SLIT3: variants seen among roughly 807,000 people sequenced by gnomAD.
SLIT3 encodes slit homolog 3 protein.
SLIT3 carries 68 observed loss-of-function variants against 184.0 expected under a neutral mutation model. The observed-to-expected ratio is 0.37, with a 90% CI of 0.30 to 0.45. The LOEUF (loss-of-function observed/expected upper bound fraction) is 0.45, where lower values mean the gene tolerates loss of function less well. Among genes scored for constraint, SLIT3 ranks in the 20% least tolerant of loss-of-function variants. SLIT3 has a pLI of 1.00. For synonymous variants in SLIT3, 831 were observed against 828.6 expected, an observed-to-expected ratio of 1.00 and a Z score of -0.05; for missense variants, 1,707 against 2,026.0, an observed-to-expected ratio of 0.84 and a Z score of 3.02.
At chr5:169,066,238 C>T (rs72826587) in intron 4 of SLIT3, among the ~76,000 whole-genome samples, 3,346 of 152,270 alleles carry the variant, frequency 0.022, 51 homozygotes, top group Middle Eastern at 0.058. Context: ...AGTCCCAAGC[C>T]CAGGGTCAAT....
At chr5:169,273,174 C>A (rs906496962) in intron 1 of SLIT3, among the ~76,000 whole-genome samples, 9 of 152,164 alleles carry the variant, frequency 5.9e-5, no homozygotes, top group Middle Eastern at 3.2e-3. Context: ...CTGCCTCTGG[C>A]CTTGAAACAG....
At chr5:169,023,040 T>C (rs1478638179) in intron 4 of SLIT3, among the ~76,000 whole-genome samples, 2 of 152,244 alleles carry the variant, frequency 1.3e-5, no homozygotes, top group African/African-American at 2.4e-5. Flanking sequence ...TCTGTGTATA[T>C]GATGTTGCCT....
chr5:169,163,335 T>C (rs1014082625), intron 4 of SLIT3, among the ~76,000 whole-genome samples: 13 of 152,234 alleles, frequency 8.5e-5, no homozygotes, highest in African/African-American at 2.4e-4. Flanking sequence ...TGAAAAGGTG[T>C]GCCAGGCTGA....
chr5:169,117,743 G>T (rs1344110875), intron 4 of SLIT3, among the ~76,000 whole-genome samples: 1 of 152,106 alleles, frequency 6.6e-6, no homozygotes, highest in Non-Finnish European at 1.5e-5. Context: ...GACCCAAAGG[G>T]GTCTCTATTC....
At chr5:168,835,691 A>G (rs1396023969) in intron 6 of SLIT3, among the ~76,000 whole-genome samples, 1 of 151,778 alleles carries the variant, frequency 6.6e-6, no homozygotes, top group Non-Finnish European at 1.5e-5. Flanking sequence ...GGCACCTGTA[A>G]TCCCAGCTAC....
chr5:169,178,401 C>G (rs1199036199), intron 4 of SLIT3, among the ~76,000 whole-genome samples: 2 of 152,164 alleles, frequency 1.3e-5, no homozygotes, highest in Non-Finnish European at 2.9e-5. Flanking sequence ...CCAGAAGGTG[C>G]CATTCAGCTC....
chr5:168,826,531 C>T (rs879934052), intron 6 of SLIT3, among the ~76,000 whole-genome samples: 3 of 152,156 alleles, frequency 2.0e-5, no homozygotes, highest in Non-Finnish European at 4.4e-5. Flanking sequence ...TGAGCATGGA[C>T]CTCGAAGGCA....
chr5:168,821,124 T>A (rs1332317440), intron 7 of SLIT3, among the ~76,000 whole-genome samples: 1 of 152,126 alleles, frequency 6.6e-6, no homozygotes, highest in African/African-American at 2.4e-5. Context: ...ACTCATCAGA[T>A]GAATGTTCGG....
intron 9 of SLIT3, among the ~76,000 whole-genome samples, chr5:168,798,068 T>C (rs900715592): frequency 3.3e-5 from 5 of 151,992 alleles, no homozygotes; most frequent in African/African-American, 4.8e-5. Flanking sequence ...TGAATACACA[T>C]AAGACATATA....
At chr5:169,230,471 C>T (rs1422337828) in intron 3 of SLIT3, among the ~76,000 whole-genome samples, 3 of 152,116 alleles carry the variant, frequency 2.0e-5, no homozygotes, top group African/African-American at 7.2e-5. Context: ...CACACATATG[C>T]ATTTAAATAT....
chr5:169,227,709 T>C (rs9313449), intron 3 of SLIT3, among the ~76,000 whole-genome samples: 83,237 of 152,180 alleles, frequency 0.55, 23,379 homozygotes, highest in African/African-American at 0.64. Flanking sequence ...TACAAGCACG[T>C]GCCACCGCGC....
Position 168,765,439 on chromosome 5 carries a change from C to T in SLIT3, c.1460-2750G>A, listed in dbSNP as rs139707539. ...GGGGGTCGGAATGTGATATTTTATA[C>T]GAGTGGGAGCCAGAAATGTTAATAA... On this transcript the variant is annotated intron_variant, in intron 14 of 35. Transcript: ENST00000519560. Among the ~76,000 whole-genome samples, 1,056 of 152,212 alleles carry T rather than the reference C, an allele frequency of 6.9e-3. 17 individuals carry two copies. The highest frequency in any genetic ancestry group is 0.023 in the African/African-American group (955 of 41,532).
intron 4 of SLIT3, among the ~76,000 whole-genome samples, chr5:169,158,449 AG>A (rs1476555519): frequency 1.3e-5 from 2 of 152,132 alleles, no homozygotes; most frequent in Non-Finnish European, 2.9e-5. Flanking sequence ...ATTTGTCACT[AG>A]CAGATGGCCC....
Position 168,717,827 on chromosome 5 carries a change from A to AT in SLIT3, c.2483+4428dup, listed in dbSNP as rs369551640. Among the ~76,000 whole-genome samples the AT allele has an allele frequency of 5.5e-3, 843 of 152,034 alleles. 9 individuals carry two copies. Among genetic ancestry groups the AT allele is most frequent in the African/African-American group, 0.019 (791 of 41,450 alleles). The stretch of plus-strand genomic sequence containing the variant: ...AGGCACCCGCCACTACGTCCGGCTA[A>AT]TTTTTTGTAGTTTTAGTGGAGACGA... On this transcript the variant is annotated intron_variant, in intron 23 of 35. Coordinates refer to ENST00000519560, the MANE Select transcript of SLIT3 (RefSeq NM_003062.4).
Position 168,712,333 on chromosome 5 carries a change from A to G in SLIT3, c.2505T>C (p.Ile835=). Residue 835 remains isoleucine (I), a synonymous_variant, in exon 24 of 36, where the codon ATT becomes ATC. Coordinates refer to ENST00000519560, the MANE Select transcript of SLIT3 (RefSeq NM_003062.4). Reference sequence around the variant, plus strand: ...TGAAGGAGCCTTCAGGAACGCTGGAAATGTCATTGCCATGGAGGGTTCTGA... The same window carrying G: ...TGAAGGAGCCTTCAGGAACGCTGGAGATGTCATTGCCATGGAGGGTTCTGA... ...LRVLTLHGND[I]SSVPEGSFND... 6.2e-7 allele frequency: 1 copy of G among 1,614,186 alleles called. No individual in the cohort carries two copies. Among genetic ancestry groups the G allele is most frequent in the Non-Finnish European group, 8.5e-7 (1 of 1,180,016 alleles).
At chr5:168,856,766 CGTGT>C (rs372608852) in intron 5 of SLIT3, among the ~76,000 whole-genome samples, 4,602 of 132,838 alleles carry the variant, frequency 0.035, 88 homozygotes, top group African/African-American at 0.054. Flanking sequence ...CTGAGTTCCT[CGTGT>C]GTGTGTGTGT....
chr5:168,804,330 A>AAAAAAAAC (rs1756883069), intron 9 of SLIT3, among the ~76,000 whole-genome samples: 3 of 129,120 alleles, frequency 2.3e-5, no homozygotes, highest in Non-Finnish European at 5.2e-5. Context: ...AAAAAAAAAA[A>AAAAAAAAC]AAAAAAAAAG....
chr5:168,752,904 C>G (rs1754764598), intron 18 of SLIT3, 51 bp downstream of exon 18: 8 of 1,579,450 alleles, frequency 5.1e-6, no homozygotes, highest in Admixed American at 1.7e-5. Context: ...GGAGAGAGCG[C>G]TGCAGAGTGG....
At chr5:168,855,032 T>C (rs1758812756) in intron 5 of SLIT3, among the ~76,000 whole-genome samples, 1 of 152,192 alleles carries the variant, frequency 6.6e-6, no homozygotes, top group African/African-American at 2.4e-5. Flanking sequence ...ACTATTACTT[T>C]CAAGGAATAA....
Sources: allele counts gnomAD v4.1 joint callset (sites outside exome capture counted in the v4.1 genomes callset), GRCh38; gene constraint gnomAD v4.1.1; transcripts MANE v1.5; gene names NCBI Gene and HGNC (gene_info 2026-07-23, HGNC 2026-07-21).